Variants in CNKSR3 observed in about 807,000 individuals in gnomAD.
CNKSR3 encodes connector enhancer of kinase suppressor of ras 3.
CNKSR3 carries 36 observed loss-of-function variants against 67.7 expected under a neutral mutation model. That is an observed-to-expected ratio of 0.53 (90% CI 0.41 to 0.70). The LOEUF (loss-of-function observed/expected upper bound fraction) is 0.70, where lower values mean the gene tolerates loss of function less well. Ranked by LOEUF, CNKSR3 falls within the 30% of genes least tolerant of loss-of-function variation. CNKSR3 has a pLI of 0.00. For missense variants in CNKSR3, 630 were observed against 695.2 expected (o/e 0.91, Z 1.05); for synonymous variants, 281 against 271.4 (o/e 1.04, Z -0.35).
At chr6:154,427,730 T>C (rs1309503639) in intron 7 of CNKSR3, among the ~76,000 whole-genome samples, 1 of 152,182 alleles carries the variant, frequency 6.6e-6, no homozygotes, top group Admixed American at 6.5e-5. Context: ...AAATAGCTGC[T>C]TTGGAGACAT....
chr6:154,503,946 G>T (rs1344411410), intron 1 of CNKSR3, among the ~76,000 whole-genome samples: 5 of 152,156 alleles, frequency 3.3e-5, no homozygotes, highest in Admixed American at 3.3e-4. Flanking sequence ...CTACGTGCTA[G>T]AACAGTGCTT....
rs535324916 is a variant in CNKSR3, at chr6:154,396,206, A to C, written c.*10148T>G. ...TTTGAAACTGCCTGTACGAGCTTTA[A>C]ATGAGTTCTTTGTGGACTTCGGAAA... On this transcript the variant is annotated 3_prime_UTR_variant, in exon 13 of 13. Coordinates refer to ENST00000607772, the MANE Select transcript of CNKSR3 (RefSeq NM_173515.4). 5.9e-5 allele frequency: 9 copies of C among 152,188 alleles called. No individual in the cohort carries two copies. Among genetic ancestry groups the C allele is most frequent in the Non-Finnish European group, 1.2e-4 (8 of 68,034 alleles). 9.4% of individuals were successfully genotyped at this position (152,188 alleles called of 1,614,324 possible).
Position 154,403,832 on chromosome 6 carries a change from C to T in CNKSR3, c.*2522G>A, listed in dbSNP as rs1439059572. ...TCACTTAAAGGATGGCTGTTCAATTCACAAGTGGCATTTTCCCCACAGAAA... is the reference window on the plus strand; with the variant it reads ...TCACTTAAAGGATGGCTGTTCAATTTACAAGTGGCATTTTCCCCACAGAAA... On this transcript the variant is annotated 3_prime_UTR_variant, in exon 13 of 13. Coordinates refer to ENST00000607772, the MANE Select transcript of CNKSR3 (RefSeq NM_173515.4). 1 of 152,178 alleles carries T rather than the reference C, an allele frequency of 6.6e-6. No homozygotes were observed. The highest frequency in any genetic ancestry group is 1.9e-4 in the East Asian group (1 of 5,182). The allele number at this position is 152,178 out of a possible 1,614,324, so 9.4% of individuals were successfully genotyped here.
At position 154,388,462 on chromosome 6, in the gene CNKSR3, G is replaced by A. The variant is rs1483847664; in HGVS notation, c.*17892C>T. 3 of 152,072 alleles carry A rather than the reference G, an allele frequency of 2.0e-5. No homozygotes were observed. Among genetic ancestry groups the A allele is most frequent in the Admixed American group, 6.6e-5 (1 of 15,260 alleles). 9.4% of individuals were successfully genotyped at this position (152,072 alleles called of 1,614,324 possible). A position where few individuals can be genotyped will look rare whatever the true frequency, so the allele number is the denominator to read the frequency against. On this transcript the variant is annotated 3_prime_UTR_variant, in exon 13 of 13. Transcript: ENST00000607772. Reference sequence around the variant, plus strand: ...GTATCTTGGATATTGTGAATAATGCGGCAATGAACCTGCAAATGCTAATAC... The same window carrying A: ...GTATCTTGGATATTGTGAATAATGCAGCAATGAACCTGCAAATGCTAATAC...
intron 1 of CNKSR3, among the ~76,000 whole-genome samples, chr6:154,506,975 A>C (rs1254878176): frequency 6.6e-5 from 10 of 152,188 alleles, no homozygotes; most frequent in South Asian, 2.1e-4. Context: ...AACTCCTGAG[A>C]AAATGGAGTG....
chr6:154,414,608 T>C, intron 9 of CNKSR3, 185 bp from the exon 10 acceptor site: 1 of 691,750 alleles, frequency 1.4e-6, no homozygotes, highest in East Asian at 3.1e-5. Flanking sequence ...TAGAATGAGC[T>C]GAGGGATTTG....
chr6:154,510,167 T>C lies in CNKSR3; in HGVS notation c.-53A>G. 6.2e-7 allele frequency: 1 copy of C among 1,606,620 alleles called. No homozygotes were observed. Among genetic ancestry groups the C allele is most frequent in the Non-Finnish European group, 8.5e-7 (1 of 1,173,892 alleles). ...TGGAGAGTCGCAGATAAAGTGCTGC[T>C]GCCTGCGCTCCGGTGCCCCTTCCCG... On this transcript the variant is annotated 5_prime_UTR_variant, in exon 1 of 13. Transcript: ENST00000607772.
intron 9 of CNKSR3, among the ~76,000 whole-genome samples, chr6:154,421,215 C>T (rs905424442): frequency 1.3e-5 from 2 of 152,132 alleles, no homozygotes; most frequent in Non-Finnish European, 2.9e-5. Flanking sequence ...GGTTTTGCCA[C>T]GTTGGCCAGG....
At chr6:154,475,691 C>G (rs1778395421) in intron 1 of CNKSR3, among the ~76,000 whole-genome samples, 1 of 152,200 alleles carries the variant, frequency 6.6e-6, no homozygotes, top group South Asian at 2.1e-4. Flanking sequence ...CCTAGGCCTT[C>G]CTGGGGCGGA....
chr6:154,407,872 GA>G (rs56406534), intron 12 of CNKSR3, among the ~76,000 whole-genome samples: 3,772 of 68,440 alleles, frequency 0.055, 36 homozygotes, highest in Middle Eastern at 0.13. Flanking sequence ...TTTAGAATTT[GA>G]AAAAAAAAAA....
At chr6:154,458,152 A>G (rs1785998169) in intron 1 of CNKSR3, among the ~76,000 whole-genome samples, 1 of 152,166 alleles carries the variant, frequency 6.6e-6, no homozygotes, top group Admixed American at 6.5e-5. Context: ...CAGAGCCTAA[A>G]ATATTTACTA....
At chr6:154,457,287 A>C (rs1227989778) in intron 1 of CNKSR3, among the ~76,000 whole-genome samples, 1 of 152,166 alleles carries the variant, frequency 6.6e-6, no homozygotes, top group Non-Finnish European at 1.5e-5. Context: ...GAGATGAGTC[A>C]CCCAGTTACA....
At chr6:154,418,218 C>A (rs1233006763) in intron 9 of CNKSR3, among the ~76,000 whole-genome samples, 1 of 152,218 alleles carries the variant, frequency 6.6e-6, no homozygotes, top group African/African-American at 2.4e-5. Flanking sequence ...GATGCTTCGT[C>A]CTGCATAGTA....
At chr6:154,483,337 C>T (rs544878495) in intron 1 of CNKSR3, among the ~76,000 whole-genome samples, 1 of 152,284 alleles carries the variant, frequency 6.6e-6, no homozygotes, top group East Asian at 1.9e-4. Context: ...AGCCTCTTTC[C>T]ATTCTGAATC....
chr6:154,430,406 TTTTAAAAA>T, intron 6 of CNKSR3, 58 bp downstream of exon 6: 1 of 1,469,618 alleles, frequency 6.8e-7, no homozygotes, highest in South Asian at 1.3e-5. Flanking sequence ...TAAGGAATTT[TTTTAAAAA>T]TTTAGTAAAT....
Position 154,454,082 on chromosome 6 carries a change from A to AACACACACAC in CNKSR3, c.53-3834_53-3825dup, listed in dbSNP as rs368097129. On this transcript the variant is annotated intron_variant, in intron 1 of 12. Transcript: ENST00000607772. ...AAGGAAATCCCAAATGCAAGATGAAAACACACACACACACACACACACAGA... is the reference window on the plus strand; with the variant it reads ...AAGGAAATCCCAAATGCAAGATGAAAACACACACACACACACACACACACACACACACAGA... Among the ~76,000 whole-genome samples, 261 of 78,240 alleles carry AACACACACAC rather than the reference A, an allele frequency of 3.3e-3. 1 individual carries two copies. The highest frequency in any genetic ancestry group is 0.013 in the African/African-American group (239 of 17,900). 51.3% of individuals were successfully genotyped at this position (78,240 alleles called of 152,430 possible).
intron 1 of CNKSR3, among the ~76,000 whole-genome samples, chr6:154,477,076 C>T (rs1786467164): frequency 6.6e-6 from 1 of 152,154 alleles, no homozygotes; most frequent in African/African-American, 2.4e-5. Context: ...ATGCACATGG[C>T]TGTGAGGTCA....
chr6:154,451,518 C>T (rs1164963140), intron 1 of CNKSR3, among the ~76,000 whole-genome samples: 3 of 108,342 alleles, frequency 2.8e-5, no homozygotes, highest in African/African-American at 7.4e-5. Context: ...CACACGCGCA[C>T]ACTCGTGCAC....
chr6:154,489,406 C>T (rs1396614332), intron 1 of CNKSR3, among the ~76,000 whole-genome samples: 1 of 152,146 alleles, frequency 6.6e-6, no homozygotes, highest in African/African-American at 2.4e-5. Flanking sequence ...TGGCGCACGC[C>T]TGTAGTCCCA....
Sources: allele counts gnomAD v4.1 joint callset (sites outside exome capture counted in the v4.1 genomes callset), GRCh38; gene constraint gnomAD v4.1.1; transcripts MANE v1.5; gene names NCBI Gene and HGNC (gene_info 2026-07-23, HGNC 2026-07-21).